The following AUTS2 variants were observed in gnomAD, a reference collection of about 807,000 sequenced individuals.
The protein encoded by AUTS2 is activator of transcription and developmental regulator AUTS2, also known as autism susceptibility gene 2 protein.
Under a neutral mutation model 112.4 loss-of-function variants are expected in AUTS2, and 17 were observed. The observed-to-expected ratio is 0.15, with a 90% CI of 0.10 to 0.23. The LOEUF (loss-of-function observed/expected upper bound fraction) is 0.23. Among genes scored for constraint, AUTS2 ranks in the 10% least tolerant of loss-of-function variants. The pLI is 1.00. For synonymous variants in AUTS2, 751 were observed against 702.7 expected (o/e 1.07, Z -1.09); for missense variants, 1,510 against 1,701.6 (o/e 0.89, Z 1.98).
intron 2 of AUTS2, among the ~76,000 whole-genome samples, chr7:69,990,284 G>A (rs888275671): frequency 7.2e-5 from 11 of 152,026 alleles, no homozygotes; most frequent in African/African-American, 2.2e-4. Flanking sequence ...AGTATTTTGC[G>A]GTCAATTTGT....
intron 4 of AUTS2, among the ~76,000 whole-genome samples, chr7:70,232,822 G>A (rs758852280): frequency 6.6e-6 from 1 of 152,176 alleles, no homozygotes; most frequent in Non-Finnish European, 1.5e-5. Context: ...TCAAAGGCCT[G>A]TATTTAATAA....
At chr7:69,797,025 T>A (rs1372126492) in intron 1 of AUTS2, among the ~76,000 whole-genome samples, 1 of 152,156 alleles carries the variant, frequency 6.6e-6, no homozygotes, top group Non-Finnish European at 1.5e-5. Context: ...GAATCGTAAG[T>A]GTAAAGGGCC....
intron 1 of AUTS2, among the ~76,000 whole-genome samples, chr7:69,827,665 G>A (rs1044510398): frequency 6.6e-6 from 1 of 152,188 alleles, no homozygotes; most frequent in Non-Finnish European, 1.5e-5. Flanking sequence ...TTCATCAATT[G>A]TGGTTAAGAT....
intron 4 of AUTS2, among the ~76,000 whole-genome samples, chr7:70,135,390 G>A (rs1414301450): frequency 6.6e-6 from 1 of 152,172 alleles, no homozygotes; most frequent in Non-Finnish European, 1.5e-5. Flanking sequence ...TCTGATTGGT[G>A]TTCTGAGTGA....
intron 4 of AUTS2, among the ~76,000 whole-genome samples, chr7:70,149,915 A>G (rs1303539044): frequency 1.3e-5 from 2 of 152,036 alleles, no homozygotes; most frequent in Admixed American, 6.6e-5. Flanking sequence ...AAACATAAAC[A>G]TAAAATAGAA....
chr7:70,492,735 CG>C (rs746663800), intron 5 of AUTS2, among the ~76,000 whole-genome samples: 2 of 152,120 alleles, frequency 1.3e-5, no homozygotes, highest in East Asian at 3.9e-4. Flanking sequence ...GAGCAAACTA[CG>C]TGACCCCCTC....
At chr7:70,433,588 C>T (rs182018509) in intron 4 of AUTS2, among the ~76,000 whole-genome samples, 1 of 152,224 alleles carries the variant, frequency 6.6e-6, no homozygotes, top group East Asian at 1.9e-4. Flanking sequence ...TGACTTATTA[C>T]AATAAAGAAA....
chr7:69,862,498 G>A (rs900689714), intron 1 of AUTS2, among the ~76,000 whole-genome samples: 1 of 152,106 alleles, frequency 6.6e-6, no homozygotes, highest in African/African-American at 2.4e-5. Context: ...AAAGGTAAGT[G>A]TCCCTGTAGG....
chr7:70,093,204 A>G (rs1804013533), intron 2 of AUTS2, among the ~76,000 whole-genome samples: 1 of 152,112 alleles, frequency 6.6e-6, no homozygotes, highest in Admixed American at 6.5e-5. Context: ...GGCTGTAACC[A>G]ATCTCTCATC....
At chr7:69,614,125 C>G (rs1793193267) in intron 1 of AUTS2, among the ~76,000 whole-genome samples, 1 of 152,188 alleles carries the variant, frequency 6.6e-6, no homozygotes, top group South Asian at 2.1e-4. Flanking sequence ...TAAGATGGGC[C>G]TCCTCACAGG....
chr7:70,134,423 T>G, intron 3 of AUTS2, 113 bp from the exon 4 acceptor site: 1 of 823,734 alleles, frequency 1.2e-6, no homozygotes, highest in Non-Finnish European at 2.1e-6. Flanking sequence ...CATACACTGG[T>G]GATGTGATGT....
chr7:69,640,526 A>G (rs1040621488), intron 1 of AUTS2, among the ~76,000 whole-genome samples: 6 of 152,266 alleles, frequency 3.9e-5, no homozygotes, highest in Non-Finnish European at 8.8e-5. Context: ...TACATTTCCC[A>G]GAAAGTATTC....
intron 14 of AUTS2, 181 bp downstream of exon 14, chr7:70,777,355 G>A: frequency 1.6e-6 from 1 of 622,368 alleles, no homozygotes; most frequent in Non-Finnish European, 2.8e-6. Flanking sequence ...TAGAGTCAGG[G>A]TCTCACTCTG....
chr7:70,287,893 C>T (rs1170486815), intron 4 of AUTS2, among the ~76,000 whole-genome samples: 1 of 151,888 alleles, frequency 6.6e-6, no homozygotes, highest in African/African-American at 2.4e-5. Context: ...GTGGAAATCA[C>T]AGTGGTAATA....
At chr7:69,753,387 A>G (rs1341321427) in intron 1 of AUTS2, among the ~76,000 whole-genome samples, 1 of 151,758 alleles carries the variant, frequency 6.6e-6, no homozygotes, top group East Asian at 1.9e-4. Flanking sequence ...AGGGAAAGGC[A>G]TGAGAAAAAT....
At chr7:69,815,738 C>A (rs1009797487) in intron 1 of AUTS2, among the ~76,000 whole-genome samples, 12 of 152,188 alleles carry the variant, frequency 7.9e-5, no homozygotes, top group African/African-American at 2.9e-4. Flanking sequence ...TGGTCTCGAA[C>A]CCTTGACCTC....
intron 4 of AUTS2, among the ~76,000 whole-genome samples, chr7:70,234,090 C>G (rs1812195113): frequency 6.6e-6 from 1 of 152,174 alleles, no homozygotes; most frequent in South Asian, 2.1e-4. Flanking sequence ...TCTAACCAAG[C>G]TGTGGGCATT....
chr7:70,003,790 A>G lies in AUTS2; in HGVS notation c.522+104292A>G, dbSNP rs570432455. 1.2e-4 allele frequency among the ~76,000 whole-genome samples: 10 copies of G among 83,914 alleles called. 1 individual carries two copies. Among genetic ancestry groups the G allele is most frequent in the Admixed American group, 2.6e-4 (2 of 7,608 alleles). The allele number at this position is 83,914 out of a possible 152,430, so 55.1% of individuals were successfully genotyped here. A position where few individuals can be genotyped will look rare whatever the true frequency, so the allele number is the denominator to read the frequency against. ...TATAATATATATGAATGTGTTATAT[A>G]TGAATATATATAATATATGAATGTG... is the stretch of plus-strand genomic sequence containing the variant. On this transcript the variant is annotated intron_variant, in intron 2 of 18. Coordinates refer to ENST00000342771, the MANE Select transcript of AUTS2 (RefSeq NM_015570.4).
intron 1 of AUTS2, among the ~76,000 whole-genome samples, chr7:69,797,279 G>A (rs1416339309): frequency 6.6e-6 from 1 of 152,074 alleles, no homozygotes; most frequent in Non-Finnish European, 1.5e-5. Flanking sequence ...ATTACCTGGG[G>A]GGACATGTTC....
Sources: gnomAD v4.1 joint callset for allele counts (sites outside exome capture counted in the v4.1 genomes callset) on GRCh38, gnomAD v4.1.1 for gene constraint, MANE v1.5 for transcripts, NCBI Gene and HGNC (gene_info 2026-07-23, HGNC 2026-07-21) for gene names.